The following KCTD5 variants were observed in gnomAD, a reference collection of about 807,000 sequenced individuals.
KCTD5 encodes BTB/POZ domain-containing protein KCTD5.
In KCTD5, 12 loss-of-function variants were observed where a neutral mutation model predicts 27.9. That is an observed-to-expected ratio of 0.43 (90% CI 0.28 to 0.70). The LOEUF is 0.70. KCTD5 is among the 30% of genes least tolerant of loss of function. The pLI is 0.19. For synonymous variants in KCTD5, 147 were observed against 121.4 expected (o/e 1.21, Z -1.39); for missense variants, 226 against 274.8 (o/e 0.82, Z 1.26).
At chr16:2,690,670 C>T (rs552783415) in intron 1 of KCTD5, among the ~76,000 whole-genome samples, 15 of 152,346 alleles carry the variant, frequency 9.8e-5, no homozygotes, top group Admixed American at 3.9e-4. Context: ...GCCGCCTCTC[C>T]TCATCCCAGT....
chr16:2,685,351 C>T (rs2067536199), intron 1 of KCTD5, among the ~76,000 whole-genome samples: 1 of 151,932 alleles, frequency 6.6e-6, no homozygotes, highest in Non-Finnish European at 1.5e-5. Context: ...CCACTTGAAC[C>T]GAGAGGCAGA....
chr16:2,691,754 G>C (rs554134286), intron 1 of KCTD5, among the ~76,000 whole-genome samples: 2 of 152,178 alleles, frequency 1.3e-5, no homozygotes, highest in Non-Finnish European at 2.9e-5. Context: ...GGCTCCCAGC[G>C]AGGTTGGCAA....
chr16:2,706,570 C>T (rs1428654551), intron 5 of KCTD5, among the ~76,000 whole-genome samples: 2 of 152,214 alleles, frequency 1.3e-5, no homozygotes, highest in African/African-American at 2.4e-5. Flanking sequence ...TCAGGGGAGC[C>T]CAGGCCGACT....
Position 2,682,956 on chromosome 16 carries a change from T to G in KCTD5, c.252+156T>G. 8 of 853,372 alleles carry G rather than the reference T, an allele frequency of 9.4e-6. No homozygotes were observed. In the South Asian group the frequency reaches 1.8e-4, roughly 19 times the overall value. 52.9% of individuals were successfully genotyped at this position (853,372 alleles called of 1,614,324 possible). Reference sequence around the variant, plus strand: ...CCCTTGTCGCCAGCTCCTCCCCAGCTTGCCCCGATCCCCTACCCTGGGAGG... The same window carrying G: ...CCCTTGTCGCCAGCTCCTCCCCAGCGTGCCCCGATCCCCTACCCTGGGAGG... On this transcript the variant is annotated intron_variant, in intron 1 of 5. Transcript: ENST00000301738.
intron 4 of KCTD5, 119 bp from the exon 5 acceptor site, chr16:2,702,234 C>T (rs1010891814): frequency 1.2e-5 from 15 of 1,266,218 alleles, no homozygotes; most frequent in Admixed American, 5.9e-5. Flanking sequence ...TTTCCTGAAG[C>T]GTCGGCAGTC....
chr16:2,702,164 C>T (rs1045391349), intron 4 of KCTD5, among the ~76,000 whole-genome samples, 189 bp from the exon 5 acceptor site: 2 of 152,232 alleles, frequency 1.3e-5, no homozygotes, highest in African/African-American at 4.8e-5. Context: ...TGCCATGCCA[C>T]GGCGTGGGGT....
intron 1 of KCTD5, among the ~76,000 whole-genome samples, chr16:2,689,911 G>A (rs2067557770): frequency 6.6e-6 from 1 of 152,196 alleles, no homozygotes; most frequent in South Asian, 2.1e-4. Flanking sequence ...CCTCACCTCA[G>A]GTAATCCGCC....
Position 2,707,488 on chromosome 16 carries a change from G to C in KCTD5, c.*161G>C, listed in dbSNP as rs771928837. The C allele has an allele frequency of 5.1e-6, 4 of 789,166 alleles. No homozygotes were observed. Among genetic ancestry groups the C allele is most frequent in the African/African-American group, 1.7e-5 (1 of 58,634 alleles). 48.9% of individuals were successfully genotyped at this position (789,166 alleles called of 1,614,324 possible). On this transcript the variant is annotated 3_prime_UTR_variant, in exon 6 of 6. Transcript: ENST00000301738. ...TTTGCCTCTGAGGTGGGTGGTGAGA[G>C]ACGGGCCCAGCTGTCCAAGGCCAGA...
At chr16:2,683,172 C>T (rs1217097667) in intron 1 of KCTD5, 2 of 184,502 alleles carry the variant, frequency 1.1e-5, no homozygotes, top group African/African-American at 4.7e-5. Flanking sequence ...GCCTTCTCTT[C>T]TCTGTCCCAG....
chr16:2,693,743 C>T (rs543164096), intron 1 of KCTD5, among the ~76,000 whole-genome samples: 2 of 152,322 alleles, frequency 1.3e-5, no homozygotes, highest in African/African-American at 4.8e-5. Context: ...GTTGTCTTGG[C>T]CTAGAGGTCA....
intron 1 of KCTD5, among the ~76,000 whole-genome samples, chr16:2,688,287 G>A (rs1319692639): frequency 2.0e-5 from 3 of 149,852 alleles, no homozygotes; most frequent in Non-Finnish European, 3.0e-5. Flanking sequence ...GTCTTGCTCT[G>A]TCCCCCAGGC....
intron 3 of KCTD5, among the ~76,000 whole-genome samples, chr16:2,698,977 G>T (rs543877717): frequency 2.0e-5 from 3 of 152,328 alleles, no homozygotes; most frequent in Non-Finnish European, 4.4e-5. Context: ...GAGAGTCTGC[G>T]GTCCAGCCTT....
At chr16:2,699,757 TGGGGCCACAGG>T (rs2067603071) in intron 3 of KCTD5, 53 bp from the exon 4 acceptor site, 1 of 1,488,392 alleles carries the variant, frequency 6.7e-7, no homozygotes, top group African/African-American at 1.4e-5. Context: ...TCACCTGGGC[TGGGGCCACAGG>T]CAGCAGTGGG....
intron 3 of KCTD5, 68 bp downstream of exon 3, chr16:2,698,065 C>T: frequency 8.7e-7 from 1 of 1,145,358 alleles, no homozygotes; most frequent in Non-Finnish European, 1.3e-6. Context: ...CTTTACTCCC[C>T]CGACCGGCTG....
intron 1 of KCTD5, among the ~76,000 whole-genome samples, chr16:2,691,276 C>T (rs1285730187): frequency 6.6e-6 from 1 of 152,240 alleles, no homozygotes; most frequent in African/African-American, 2.4e-5. Flanking sequence ...GTGCGGATGT[C>T]CCTGACCTTC....
At chr16:2,688,785 G>A (rs1405105018) in intron 1 of KCTD5, among the ~76,000 whole-genome samples, 1 of 64,152 alleles carries the variant, frequency 1.6e-5, no homozygotes, top group Non-Finnish European at 3.1e-5. Context: ...TCTGGGGACT[G>A]GACCCTGCAC....
chr16:2,699,180 C>T lies in KCTD5; in HGVS notation c.454-641C>T, dbSNP rs552005897. On this transcript the variant is annotated intron_variant, in intron 3 of 5. Transcript: ENST00000301738. ...AGCCCCGTCTGCAGCCTGAGTCCTC[C>T]GTAGTGACTGTCCAGGATGTGGGGC... is the stretch of plus-strand genomic sequence containing the variant. The T allele has an allele frequency of 2.0e-4, 91 of 456,090 alleles. 2 individuals carry two copies. Among genetic ancestry groups the T allele is most frequent in the South Asian group, 1.1e-3 (71 of 64,566 alleles). The allele number at this position is 456,090 out of a possible 1,614,324, so 28.3% of individuals were successfully genotyped here.
chr16:2,700,054 C>T (rs996583261), intron 4 of KCTD5, 138 bp downstream of exon 4: 9 of 743,826 alleles, frequency 1.2e-5, no homozygotes, highest in African/African-American at 8.6e-5. Context: ...CTCACGGCAG[C>T]GACCTGTGCC....
chr16:2,700,022 T>C, intron 4 of KCTD5, 106 bp downstream of exon 4: 1 of 1,047,126 alleles, frequency 9.5e-7, no homozygotes, highest in Non-Finnish European at 1.4e-6. Context: ...GCTGCTGGCG[T>C]CTTCCTGCAG....
Sources: allele counts gnomAD v4.1 joint callset (sites outside exome capture counted in the v4.1 genomes callset), GRCh38; gene constraint gnomAD v4.1.1; transcripts MANE v1.5; gene names NCBI Gene and HGNC (gene_info 2026-07-23, HGNC 2026-07-21).